The following ILDR2 variants were observed in gnomAD, a reference collection of about 807,000 sequenced individuals.
The protein encoded by ILDR2 is immunoglobulin-like domain-containing receptor 2.
A neutral mutation model predicts 66.8 loss-of-function variants in ILDR2; 25 were observed. The ratio of observed to expected loss-of-function variants is 0.37; its 90% confidence interval spans 0.27 to 0.52. The LOEUF is 0.52. Among genes scored for constraint, ILDR2 ranks in the 20% least tolerant of loss-of-function variants. The pLI, the probability that ILDR2 is intolerant of heterozygous loss-of-function variation, is 0.88. For missense variants in ILDR2, 827 were observed against 876.8 expected (o/e 0.94, Z 0.72); for synonymous variants, 367 against 357.2 (o/e 1.03, Z -0.31).
intron 1 of ILDR2, among the ~76,000 whole-genome samples, chr1:166,971,627 T>A (rs940389768): frequency 2.0e-5 from 3 of 152,048 alleles, no homozygotes; most frequent in Non-Finnish European, 4.4e-5. Flanking sequence ...GCCCGGCTAA[T>A]TTTTTTGTAT....
chr1:166,974,352 G>A (rs1039181387), intron 1 of ILDR2, among the ~76,000 whole-genome samples: 10 of 152,244 alleles, frequency 6.6e-5, no homozygotes, highest in African/African-American at 2.4e-4. Context: ...CCACCCCAAG[G>A]CCCTGTATCC....
chr1:166,896,861 C>T (rs1659175107), intron 2 of ILDR2, among the ~76,000 whole-genome samples: 1 of 152,104 alleles, frequency 6.6e-6, no homozygotes, highest in Non-Finnish European at 1.5e-5. Flanking sequence ...TCTTGAACTC[C>T]TGACCTCAGG....
rs1334817156 is a variant in ILDR2 at position 166,917,344 on chromosome 1, A to AC, written c.*2010dup. 6.6e-6 allele frequency: 1 copy of AC among 152,170 alleles called. No homozygotes were observed. The highest frequency in any genetic ancestry group is 2.4e-5 in the African/African-American group (1 of 41,442). 9.4% of individuals were successfully genotyped at this position (152,170 alleles called of 1,614,324 possible). On this transcript the variant is annotated 3_prime_UTR_variant, in exon 10 of 10. Coordinates refer to ENST00000271417, the MANE Select transcript of ILDR2 (RefSeq NM_199351.3). ...TTTCTTATTTCATTGCAAACATAGG[A>AC]CTTTTTTTGGAAATGTCATGAAGTA... is the stretch of plus-strand genomic sequence containing the variant.
At position 166,919,364 on chromosome 1, in the gene ILDR2, A is replaced by T. The variant is rs757595975; in HGVS notation, c.1911T>A (p.Leu637=). 6.2e-7 allele frequency: 1 copy of T among 1,611,268 alleles called. No homozygotes were observed. The highest frequency in any genetic ancestry group is 8.5e-7 in the Non-Finnish European group (1 of 1,177,664). ...AGAAATGTTGACAACATCAGACCAC[A>T]AGGGACATCCTGGTTGGAAAGTCAT... ...KTNDFPTRMS[L]VV Residue 637 remains leucine, a synonymous_variant, in exon 10 of 10, where the codon CTT becomes CTA. Coordinates refer to ENST00000271417, the MANE Select transcript of ILDR2 (RefSeq NM_199351.3).
rs538401802 is a variant in ILDR2 at position 166,972,488 on chromosome 1, T to G, written c.46+2735A>C. Reference sequence around the variant, plus strand: ...AGCAGCTGGTAAGCATTTTGTTTTGTTCAAAATAACAACAACAACAGCAAC... The same window carrying G: ...AGCAGCTGGTAAGCATTTTGTTTTGGTCAAAATAACAACAACAACAGCAAC... On this transcript the variant is annotated intron_variant, in intron 1 of 9. Transcript: ENST00000271417. Among the ~76,000 whole-genome samples, 4 of 152,288 alleles carry G rather than the reference T, an allele frequency of 2.6e-5. No individual in the cohort carries two copies. In the South Asian group the frequency reaches 8.3e-4, roughly 32 times the overall value.
intron 3 of ILDR2, among the ~76,000 whole-genome samples, chr1:166,955,171 A>G (rs555478306): frequency 6.6e-6 from 1 of 152,168 alleles, no homozygotes; most frequent in Admixed American, 6.5e-5. Flanking sequence ...TTACTTTTTC[A>G]TTTCCTGCTG....
chr1:166,914,127 A>AAAAAG lies in ILDR2; in HGVS notation c.*5227_*5228insCTTTT, dbSNP rs1659552541. 6.6e-6 allele frequency: 1 copy of AAAAAG among 152,538 alleles called. No individual in the cohort carries two copies. 9.4% of individuals were successfully genotyped at this position (152,538 alleles called of 1,614,324 possible). ...GCAAGACCCTGTCTCAAAAAAAAAA[A>AAAAAG]AAAGAAAGAAAAAGAAAACGAAACT... On this transcript the variant is annotated 3_prime_UTR_variant, in exon 10 of 10. Transcript: ENST00000271417.
chr1:166,920,766 C>T lies in ILDR2; in HGVS notation c.1825G>A (p.Asp609Asn). The change falls in exon 9 of 10, where the codon GAC (aspartate) becomes AAC (asparagine). Residue 609 changes from aspartate to asparagine, a missense_variant. Asp to Asn is a conservative substitution (Grantham distance 23). Coordinates refer to ENST00000271417, the MANE Select transcript of ILDR2 (RefSeq NM_199351.3). ...TCCGAGTTGCTGTGGTAGGGCAGGT[C>T]GCGGCCGCGGTAGGACGGGCCGCGG... ...LTRGPSYRGR[D>N]LPYHSNSEKK... is the part of the protein sequence containing the mutation. 1 of 1,491,814 alleles carries T rather than the reference C, an allele frequency of 6.7e-7. No homozygotes were observed. Among genetic ancestry groups the T allele is most frequent in the Non-Finnish European group, 8.9e-7 (1 of 1,120,882 alleles). 92.4% of individuals were successfully genotyped at this position (1,491,814 alleles called of 1,614,324 possible).
chr1:166,921,208 C>A lies in ILDR2; in HGVS notation c.1383G>T (p.Glu461Asp). 1 of 1,587,768 alleles carries A rather than the reference C, an allele frequency of 6.3e-7. No homozygotes were observed. ...GGTAGAAGCCGCTGTGCGCCCGCGA[C>A]TCCGAGCGCTCGAAGCGGCTCCCGC... ...ARGGSRFERS[E>D]SRAHSGFYQD... The change falls in exon 9 of 10, where the codon GAG becomes GAT. Residue 461 changes from glutamate (E) to aspartate (D), a missense_variant. Transcript: ENST00000271417. The surrounding 1 kb of genome is among the most constrained non-coding windows in gnomAD (Gnocchi z 5.3).
At chr1:166,899,113 C>G (rs553704660) in intron 2 of ILDR2, among the ~76,000 whole-genome samples, 2 of 151,776 alleles carry the variant, frequency 1.3e-5, no homozygotes, top group African/African-American at 4.8e-5. Context: ...CATGATTGGC[C>G]GGGCGCAATG....
rs74119511 is a variant in ILDR2, at chr1:166,898,635, A to G, written n.172-2534T>C. Among the ~76,000 whole-genome samples, 1,060 of 152,314 alleles carry G rather than the reference A, an allele frequency of 7.0e-3. 11 individuals are homozygous for G. The highest frequency in any genetic ancestry group is 0.024 in the African/African-American group (1,018 of 41,566). On this transcript the variant is annotated intron_variant and non_coding_transcript_variant, in intron 2 of 2. Transcript: ENST00000414590. ...GAGGGCACACTCTGAAGCTTTGCAT[A>G]TTATTTCTCTTATCACTTGTACATG...
chr1:166,969,013 T>C (rs1313735426), intron 1 of ILDR2, among the ~76,000 whole-genome samples: 3 of 152,176 alleles, frequency 2.0e-5, no homozygotes, highest in Admixed American at 6.5e-5. Context: ...ATAATCAGTA[T>C]TGAGGGCCTA....
chr1:166,956,431 CAA>C (rs1205887761), intron 3 of ILDR2, among the ~76,000 whole-genome samples: 1 of 122,306 alleles, frequency 8.2e-6, no homozygotes, highest in Non-Finnish European at 1.7e-5. Flanking sequence ...TATAACAAGA[CAA>C]AGAGAGAAAT....
At chr1:166,949,904 C>G (rs1488973482) in intron 3 of ILDR2, among the ~76,000 whole-genome samples, 1 of 152,166 alleles carries the variant, frequency 6.6e-6, no homozygotes, top group Non-Finnish European at 1.5e-5. Flanking sequence ...GCCTGAAAAG[C>G]CACTCCTCAT....
At position 166,975,251 on chromosome 1, in the gene ILDR2, C is replaced by G; in HGVS notation, c.18G>C (p.Leu6=). 6.2e-7 allele frequency: 1 copy of G among 1,613,682 alleles called. No homozygotes were observed. The highest frequency in any genetic ancestry group is 8.5e-7 in the Non-Finnish European group (1 of 1,179,682). Residue 6 remains leucine, a synonymous_variant, in exon 1 of 10, where the codon CTG becomes CTC. Coordinates refer to ENST00000271417, the MANE Select transcript of ILDR2 (RefSeq NM_199351.3). MDRVL[L]RWISLFWLTA... ...TTAGCCAGAAGAGAGAAATCCACCT[C>G]AGCAAGACCCTATCCATCTTCCCCA...
intron 1 of ILDR2, among the ~76,000 whole-genome samples, chr1:166,966,802 G>C (rs1662982906): frequency 6.6e-6 from 1 of 152,166 alleles, no homozygotes; most frequent in African/African-American, 2.4e-5. Context: ...AACTGTCTTG[G>C]TTTCCAAGTG....
Position 166,921,465 on chromosome 1 carries a change from G to A in ILDR2, c.1212-86C>T. On this transcript the variant is annotated intron_variant, in intron 8 of 9. Transcript: ENST00000271417. This position sits in a 1 kb window ranked among gnomAD's most constrained non-coding sequence, Gnocchi z 5.3. ...TCCCAAGAGCACCCATCGTGTCCTGGGGCCACGCTCAGGAGACCTCGGCCT... is the reference window on the plus strand; with the variant it reads ...TCCCAAGAGCACCCATCGTGTCCTGAGGCCACGCTCAGGAGACCTCGGCCT... The A allele has an allele frequency of 8.5e-7, 1 of 1,172,794 alleles. No homozygotes were observed. Among genetic ancestry groups the A allele is most frequent in the Non-Finnish European group, 1.2e-6 (1 of 851,258 alleles). The allele number at this position is 1,172,794 out of a possible 1,614,324, so 72.6% of individuals were successfully genotyped here.
intron 1 of ILDR2, among the ~76,000 whole-genome samples, chr1:166,972,704 A>G (rs767135957): frequency 6.6e-6 from 1 of 151,988 alleles, no homozygotes; most frequent in Non-Finnish European, 1.5e-5. Flanking sequence ...GAGAAACAGG[A>G]GGAGAAGGGA....
rs1051500323 is a variant in ILDR2 at position 166,910,893 on chromosome 1, C to T, written c.*8462G>A. 2 of 152,020 alleles carry T rather than the reference C, an allele frequency of 1.3e-5. No homozygotes were observed. The highest frequency in any genetic ancestry group is 3.9e-4 in the East Asian group (2 of 5,194). 9.4% of individuals were successfully genotyped at this position (152,020 alleles called of 1,614,324 possible). On this transcript the variant is annotated 3_prime_UTR_variant, in exon 10 of 10. Transcript: ENST00000271417. ...TTTAATCCATCCTATGAGTCTAGTC[C>T]TTCCTTGCTGCTTCTTTTTTTTCTT... is the stretch of plus-strand genomic sequence containing the variant.
Sources: allele counts gnomAD v4.1 joint callset (sites outside exome capture counted in the v4.1 genomes callset), GRCh38; gene constraint gnomAD v4.1.1; non-coding constraint Gnocchi (gnomAD v3.1); transcripts MANE v1.5; gene names NCBI Gene and HGNC (gene_info 2026-07-23, HGNC 2026-07-21).